The following MGAT4C variants were observed in gnomAD, a reference collection of about 807,000 sequenced individuals.
MGAT4C encodes alpha-1,3-mannosyl-glycoprotein 4-beta-N-acetylglucosaminyltransferase C.
A neutral mutation model predicts 40.1 loss-of-function variants in MGAT4C; 19 were observed. That is an observed-to-expected ratio of 0.47 (90% confidence interval 0.33 to 0.70). MGAT4C has a LOEUF of 0.70. Ranked by LOEUF, MGAT4C falls within the 30% of genes least tolerant of loss-of-function variation. The probability of loss-of-function intolerance (pLI) is 0.02; values close to 1 mark genes in which losing one functional copy is unlikely to be tolerated. For synonymous variants in MGAT4C, 181 were observed against 187.1 expected, an observed-to-expected ratio of 0.97 and a Z score of 0.27; for missense variants, 491 against 563.2, an observed-to-expected ratio of 0.87 and a Z score of 1.30.
At chr12:86,463,239 A>G (rs922860537) in intron 2 of MGAT4C, among the ~76,000 whole-genome samples, 3 of 152,310 alleles carry the variant, frequency 2.0e-5, no homozygotes, top group East Asian at 1.9e-4. Context: ...TCTTTAAAAA[A>G]TCACCATTGA....
intron 3 of MGAT4C, among the ~76,000 whole-genome samples, chr12:86,356,699 T>C (rs1397257104): frequency 6.6e-6 from 1 of 152,140 alleles, no homozygotes; most frequent in Non-Finnish European, 1.5e-5. Context: ...CAGAGGGTCT[T>C]ACACCCATGG....
rs918972431 is a variant in MGAT4C at position 86,497,268 on chromosome 12, G to A, written c.-228-62003C>T. Among the ~76,000 whole-genome samples the A allele has an allele frequency of 3.9e-4, 59 of 151,896 alleles. 1 individual carries two copies. Among genetic ancestry groups the A allele is most frequent in the Non-Finnish European group, 1.5e-4 (10 of 67,922 alleles). On this transcript the variant is annotated intron_variant, in intron 2 of 7. Coordinates refer to the MGAT4C transcript ENST00000548651. ...AGAAAATAATCCAAAGAATTAACCAGTGATAAATTAGGCTCTTTGGAGTAT... is the reference window on the plus strand; with the variant it reads ...AGAAAATAATCCAAAGAATTAACCAATGATAAATTAGGCTCTTTGGAGTAT...
At chr12:86,253,998 T>C (rs553022979) in intron 1 of MGAT4C, among the ~76,000 whole-genome samples, 1 of 152,088 alleles carries the variant, frequency 6.6e-6, no homozygotes, top group Non-Finnish European at 1.5e-5. Context: ...TCAGAAGAGT[T>C]AATAAGTATC....
chr12:86,777,324 T>A (rs1192125781), intron 1 of MGAT4C, among the ~76,000 whole-genome samples: 1 of 152,218 alleles, frequency 6.6e-6, no homozygotes, highest in Non-Finnish European at 1.5e-5. Flanking sequence ...TTCTGATATA[T>A]TCTGTTGAAA....
chr12:86,820,559 G>A (rs1952687770), intron 1 of MGAT4C, among the ~76,000 whole-genome samples: 1 of 150,718 alleles, frequency 6.6e-6, no homozygotes, highest in African/African-American at 2.4e-5. Flanking sequence ...CACAGTATAT[G>A]TGGATAGCCC....
intron 2 of MGAT4C, among the ~76,000 whole-genome samples, chr12:86,612,700 A>G (rs1284014610): frequency 6.7e-6 from 1 of 148,884 alleles, no homozygotes; most frequent in African/African-American, 2.5e-5. Flanking sequence ...AGATCATGCC[A>G]CTGCACTCCA....
At chr12:86,170,176 C>T (rs915722141) in intron 1 of MGAT4C, among the ~76,000 whole-genome samples, 7 of 152,292 alleles carry the variant, frequency 4.6e-5, no homozygotes, top group African/African-American at 9.6e-5. Context: ...TTTGAACATT[C>T]GTGACCCACT....
At chr12:86,728,891 C>G (rs922246911) in intron 1 of MGAT4C, among the ~76,000 whole-genome samples, 21 of 152,126 alleles carry the variant, frequency 1.4e-4, no homozygotes, top group Admixed American at 1.4e-3. Flanking sequence ...ATCTTAGATG[C>G]CTTTCGATAT....
rs144911630 is a variant in MGAT4C, at chr12:86,786,542, T to C, written c.-262+52124A>G. 3.4e-3 allele frequency among the ~76,000 whole-genome samples: 516 copies of C among 152,168 alleles called. 2 individuals carry two copies. The highest frequency in any genetic ancestry group is 0.012 in the African/African-American group (494 of 41,566). Reference sequence around the variant, plus strand: ...GTCAGGGGTTTCATTTTTCACTGAATATCCTAGGTTCGCTTTTAACTCCAA... The same window carrying C: ...GTCAGGGGTTTCATTTTTCACTGAACATCCTAGGTTCGCTTTTAACTCCAA... On this transcript the variant is annotated intron_variant, in intron 1 of 7. Transcript: ENST00000548651.
At chr12:86,506,035 C>T (rs193291288) in intron 2 of MGAT4C, among the ~76,000 whole-genome samples, 305 of 152,282 alleles carry the variant, frequency 2.0e-3, no homozygotes, top group Non-Finnish European at 3.6e-3. Flanking sequence ...CAAACTGCCA[C>T]ATCAAACTTT....
intron 2 of MGAT4C, among the ~76,000 whole-genome samples, chr12:86,484,336 C>G (rs1382192740): frequency 2.6e-5 from 4 of 152,208 alleles, no homozygotes; most frequent in Non-Finnish European, 5.9e-5. Flanking sequence ...GCAGAACCAA[C>G]TTTCCTGCAG....
At chr12:86,718,051 G>T (rs1316812464) in intron 2 of MGAT4C, among the ~76,000 whole-genome samples, 12 of 152,112 alleles carry the variant, frequency 7.9e-5, no homozygotes, top group Non-Finnish European at 1.3e-4. Context: ...TCATAATGGG[G>T]GATGGGAAGG....
chr12:85,992,744 C>T (rs1886098578), intron 2 of MGAT4C, among the ~76,000 whole-genome samples: 1 of 152,250 alleles, frequency 6.6e-6, no homozygotes, highest in African/African-American at 2.4e-5. Flanking sequence ...AGAAACATGG[C>T]CTCAGGAAGA....
At chr12:86,746,053 T>C (rs908671820) in intron 1 of MGAT4C, among the ~76,000 whole-genome samples, 5 of 151,656 alleles carry the variant, frequency 3.3e-5, no homozygotes, top group African/African-American at 4.8e-5. Flanking sequence ...TCTCATTCAC[T>C]CTGCTCACAG....
chr12:86,400,935 C>T (rs370362966), intron 3 of MGAT4C, among the ~76,000 whole-genome samples: 1 of 152,034 alleles, frequency 6.6e-6, no homozygotes, highest in African/African-American at 2.4e-5. Flanking sequence ...GCATATGTGT[C>T]TTGGAGCCTA....
At chr12:86,762,531 C>G (rs1240203045) in intron 1 of MGAT4C, among the ~76,000 whole-genome samples, 10 of 152,202 alleles carry the variant, frequency 6.6e-5, no homozygotes, top group Non-Finnish European at 1.3e-4. Flanking sequence ...CATAGCCACT[C>G]AAACTTTCAG....
intron 2 of MGAT4C, among the ~76,000 whole-genome samples, chr12:86,604,723 A>G (rs1961982610): frequency 6.6e-6 from 1 of 152,194 alleles, no homozygotes; most frequent in African/African-American, 2.4e-5. Flanking sequence ...TACTTTAGAA[A>G]CAAATGGAAA....
At chr12:86,006,802 C>T (rs905810287) in intron 2 of MGAT4C, among the ~76,000 whole-genome samples, 1 of 152,132 alleles carries the variant, frequency 6.6e-6, no homozygotes, top group Non-Finnish European at 1.5e-5. Context: ...AATTACTCTA[C>T]CCTCTTAGTG....
At chr12:86,231,073 G>A (rs1049887644) in intron 1 of MGAT4C, among the ~76,000 whole-genome samples, 1 of 152,048 alleles carries the variant, frequency 6.6e-6, no homozygotes, top group Admixed American at 6.6e-5. Flanking sequence ...TTTATGCCTC[G>A]AGTTTTAATA....
Sources: gnomAD v4.1 joint callset for allele counts (sites outside exome capture counted in the v4.1 genomes callset) on GRCh38, gnomAD v4.1.1 for gene constraint, MANE v1.5 for transcripts, NCBI Gene and HGNC (gene_info 2026-07-23, HGNC 2026-07-21) for gene names.